The following POFUT3 variants were observed in gnomAD, a reference collection of about 807,000 sequenced individuals.
POFUT3 encodes GDP-fucose protein O-fucosyltransferase 3.
the POFUT3 span, among the ~76,000 whole-genome samples, chr8:33,402,246 G>C: frequency 2.0e-5 from 3 of 152,060 alleles, no homozygotes; most frequent in African/African-American, 7.2e-5. Context: ...TAAATCAAAG[G>C]CTTATTCTCT....
the POFUT3 span, among the ~76,000 whole-genome samples, chr8:33,411,625 T>C: frequency 6.6e-6 from 1 of 152,016 alleles, no homozygotes; most frequent in African/African-American, 2.4e-5. Flanking sequence ...CCATCTTTAC[T>C]AAAAATACAA....
the POFUT3 span, among the ~76,000 whole-genome samples, chr8:33,322,759 A>G: frequency 1.3e-5 from 2 of 152,140 alleles, no homozygotes; most frequent in East Asian, 3.9e-4. Context: ...AGCAATCTAT[A>G]TCTACAAATA....
chr8:33,409,884 G>A, the POFUT3 span, among the ~76,000 whole-genome samples: 1 of 152,074 alleles, frequency 6.6e-6, no homozygotes, highest in South Asian at 2.1e-4. Flanking sequence ...CAGCCTGGGC[G>A]ACAAAGCAAG....
chr8:33,384,049 A>T, the POFUT3 span, among the ~76,000 whole-genome samples: 622 of 152,206 alleles, frequency 4.1e-3, 3 homozygotes, highest in Middle Eastern at 6.8e-3. Context: ...ACTGGTATCT[A>T]CACAGGATCA....
chr8:33,379,010 A>G, the POFUT3 span, among the ~76,000 whole-genome samples: 4 of 152,048 alleles, frequency 2.6e-5, no homozygotes, highest in Non-Finnish European at 5.9e-5. Flanking sequence ...GATCTCCCCC[A>G]TGCTGTTGTC....
At chr8:33,352,459 GAA>G in the POFUT3 span, among the ~76,000 whole-genome samples, 1 of 152,150 alleles carries the variant, frequency 6.6e-6, no homozygotes, top group African/African-American at 2.4e-5. Flanking sequence ...TGAAAATTAA[GAA>G]AGTGTGGAGA....
At chr8:33,426,805 C>G in the POFUT3 span, among the ~76,000 whole-genome samples, 1 of 152,190 alleles carries the variant, frequency 6.6e-6, no homozygotes, top group Non-Finnish European at 1.5e-5. Context: ...CCTCAGAATG[C>G]TGAAATCGGC....
the POFUT3 span, among the ~76,000 whole-genome samples, chr8:33,421,767 A>G: frequency 6.6e-6 from 1 of 152,200 alleles, no homozygotes; most frequent in South Asian, 2.1e-4. Flanking sequence ...TCTTTTAAGC[A>G]TGAAATGCCA....
chr8:33,355,037 C>G, the POFUT3 span, among the ~76,000 whole-genome samples: 1 of 152,134 alleles, frequency 6.6e-6, no homozygotes, highest in East Asian at 1.9e-4. Context: ...CTGCCAGTAC[C>G]CACAATGGAG....
At chr8:33,360,152 T>C in the POFUT3 span, among the ~76,000 whole-genome samples, 1 of 151,246 alleles carries the variant, frequency 6.6e-6, no homozygotes, top group African/African-American at 2.4e-5. Context: ...CCTTAATAAA[T>C]ATCAGTAACC....
At chr8:33,317,697 C>G in the POFUT3 span, among the ~76,000 whole-genome samples, 1 of 152,032 alleles carries the variant, frequency 6.6e-6, no homozygotes, top group African/African-American at 2.4e-5. Context: ...TAAATAAACA[C>G]CCTCCTTTTT....
the POFUT3 span, among the ~76,000 whole-genome samples, chr8:33,373,468 C>T: frequency 6.6e-6 from 1 of 152,140 alleles, no homozygotes; most frequent in African/African-American, 2.4e-5. Context: ...TACCTCCCAG[C>T]TTCAAAATGC....
chr8:33,335,352 GACAA>G, the POFUT3 span, among the ~76,000 whole-genome samples: 12 of 152,166 alleles, frequency 7.9e-5, no homozygotes, highest in South Asian at 6.2e-4. Flanking sequence ...ATCATGTTTT[GACAA>G]ACAGACTATG....
At chr8:33,328,439 AGGAAAACAGGT>A in the POFUT3 span, among the ~76,000 whole-genome samples, 2 of 152,152 alleles carry the variant, frequency 1.3e-5, no homozygotes, top group Non-Finnish European at 2.9e-5. Context: ...CGGGGTGGAA[AGGAAAACAGGT>A]GGAAAACAGA....
At chr8:33,417,769 C>A in the POFUT3 span, among the ~76,000 whole-genome samples, 1 of 151,874 alleles carries the variant, frequency 6.6e-6, no homozygotes, top group Non-Finnish European at 1.5e-5. Flanking sequence ...AATAGATCAT[C>A]TAGGAAAGAA....
chr8:33,471,181 A>C, the POFUT3 span, among the ~76,000 whole-genome samples: 3 of 152,212 alleles, frequency 2.0e-5, no homozygotes, highest in Admixed American at 2.0e-4. Context: ...TAGATATTGA[A>C]TATCTACCCG....
the POFUT3 span, among the ~76,000 whole-genome samples, chr8:33,344,367 T>G: frequency 6.6e-6 from 1 of 152,202 alleles, no homozygotes; most frequent in Admixed American, 6.5e-5. Flanking sequence ...TCTGAAGCCT[T>G]GCTGCCACCT....
chr8:33,331,734 G>C, the POFUT3 span, among the ~76,000 whole-genome samples: 1 of 152,202 alleles, frequency 6.6e-6, no homozygotes, highest in African/African-American at 2.4e-5. Flanking sequence ...GGAGTGCAGT[G>C]GCGCGATCTC....
the POFUT3 span, among the ~76,000 whole-genome samples, chr8:33,454,674 CTTTTT>C: frequency 7.1e-6 from 1 of 141,174 alleles, no homozygotes. Context: ...AGTTTTGCCT[CTTTTT>C]TTTTTTTTTT....
Sources: gnomAD v4.1 joint callset for allele counts (sites outside exome capture counted in the v4.1 genomes callset) on GRCh38, gnomAD v4.1.1 for gene constraint, MANE v1.5 for transcripts, NCBI Gene and HGNC (gene_info 2026-07-23, HGNC 2026-07-21) for gene names.